TAOK3: variants seen among roughly 807,000 people sequenced by gnomAD.
The protein encoded by TAOK3 is TAO kinase 3.
Under a neutral mutation model 120.4 loss-of-function variants are expected in TAOK3, and 40 were observed. The observed-to-expected ratio is 0.33, with a 90% CI of 0.26 to 0.43. The LOEUF (loss-of-function observed/expected upper bound fraction) is 0.43. Ranked by LOEUF, TAOK3 falls within the 20% of genes least tolerant of loss-of-function variation. The pLI is 1.00. For missense variants in TAOK3, 821 were observed against 1,112.1 expected (o/e 0.74, Z 3.72); for synonymous variants, 355 against 387.5 (o/e 0.92, Z 0.99).
intron 11 of TAOK3, among the ~76,000 whole-genome samples, chr12:118,203,882 T>C (rs1304460345): frequency 6.6e-6 from 1 of 152,156 alleles, no homozygotes; most frequent in Non-Finnish European, 1.5e-5. Flanking sequence ...TAAAACAGGT[T>C]TGTGGGCTAT....
chr12:118,182,623 A>ATTTTTTTTT (rs1555215274), intron 14 of TAOK3, among the ~76,000 whole-genome samples: 2 of 92,416 alleles, frequency 2.2e-5, no homozygotes, highest in African/African-American at 4.9e-5. Flanking sequence ...ATATATATAT[A>ATTTTTTTTT]TTTTTTTTTT....
chr12:118,177,475 A>T, intron 15 of TAOK3, 146 bp from the exon 16 acceptor site: 1 of 543,514 alleles, frequency 1.8e-6, no homozygotes, highest in Non-Finnish European at 2.9e-6. Flanking sequence ...TGTTTTTCTG[A>T]TTTTCTTGTA....
intron 1 of TAOK3, among the ~76,000 whole-genome samples, chr12:118,301,644 G>C (rs1198983913): frequency 1.3e-5 from 2 of 152,028 alleles, no homozygotes; most frequent in Non-Finnish European, 2.9e-5. Context: ...AGGAGTTCAA[G>C]ATCAGCCTGA....
intron 1 of TAOK3, among the ~76,000 whole-genome samples, chr12:118,335,601 G>A (rs376275992): frequency 6.6e-6 from 1 of 152,158 alleles, no homozygotes. Context: ...AGGCCGAGCT[G>A]GGTGGATCAA....
At chr12:118,222,511 G>A (rs545583463) in intron 9 of TAOK3, among the ~76,000 whole-genome samples, 19 of 150,584 alleles carry the variant, frequency 1.3e-4, no homozygotes, top group Non-Finnish European at 1.5e-5. Flanking sequence ...CCAGCCTGGC[G>A]ATGGAGTGAG....
chr12:118,165,732 A>G (rs2035538523), intron 17 of TAOK3, among the ~76,000 whole-genome samples: 1 of 152,250 alleles, frequency 6.6e-6, no homozygotes, highest in African/African-American at 2.4e-5. Context: ...AGTTGTAAAG[A>G]TAAAATGAAA....
intron 17 of TAOK3, among the ~76,000 whole-genome samples, chr12:118,165,212 G>T (rs893489838): frequency 1.3e-5 from 2 of 152,124 alleles, no homozygotes; most frequent in Non-Finnish European, 2.9e-5. Flanking sequence ...TGGCCCGTAG[G>T]TGGCACCAAA....
chr12:118,168,273 G>C (rs2035739117), intron 17 of TAOK3, among the ~76,000 whole-genome samples: 2 of 152,168 alleles, frequency 1.3e-5, no homozygotes, highest in Admixed American at 1.3e-4. Flanking sequence ...GCATGGTGAT[G>C]ATAGTTAACA....
intron 15 of TAOK3, among the ~76,000 whole-genome samples, chr12:118,178,099 A>C (rs2036462413): frequency 6.6e-6 from 1 of 152,008 alleles, no homozygotes; most frequent in Admixed American, 6.5e-5. Flanking sequence ...GGCGTGCAGC[A>C]CCAGTCCTGG....
intron 3 of TAOK3, among the ~76,000 whole-genome samples, chr12:118,248,190 G>A (rs1443199927): frequency 2.7e-5 from 4 of 148,154 alleles, no homozygotes; most frequent in Non-Finnish European, 5.9e-5. Context: ...AGATTCTTAT[G>A]GAATGTCAAA....
In TAOK3 at chr12:118,174,536, G is replaced by A. The variant is rs2036202797; in HGVS notation, c.1696-1876C>T. ...GTGGGAAAATCTTCTAGAAGGTAGA[G>A]TTCATGAAATTTCCAAATATCTCAA... On this transcript the variant is annotated intron_variant, in intron 16 of 20. Transcript: ENST00000392533. Among the ~76,000 whole-genome samples the A allele has an allele frequency of 2.0e-5, 3 of 152,208 alleles. No individual in the cohort carries two copies. In the South Asian group the frequency reaches 6.2e-4, roughly 32 times the overall value.
At chr12:118,166,665 C>T (rs2035603534) in intron 17 of TAOK3, among the ~76,000 whole-genome samples, 1 of 151,864 alleles carries the variant, frequency 6.6e-6, no homozygotes, top group African/African-American at 2.4e-5. Flanking sequence ...TTTATTTGTA[C>T]AAATGACACA....
chr12:118,177,394 T>G, intron 15 of TAOK3, 65 bp from the exon 16 acceptor site: 1 of 1,472,820 alleles, frequency 6.8e-7, no homozygotes, highest in Non-Finnish European at 9.4e-7. Context: ...GTGATCTATA[T>G]TCTCCAGTGC....
intron 1 of TAOK3, among the ~76,000 whole-genome samples, chr12:118,307,811 A>G (rs1217122732): frequency 6.6e-6 from 1 of 152,182 alleles, no homozygotes; most frequent in East Asian, 1.9e-4. Context: ...CTAAAACACT[A>G]AAAATGTTAA....
chr12:118,199,536 T>C, intron 12 of TAOK3: 1 of 456,950 alleles, frequency 2.2e-6, no homozygotes, highest in Non-Finnish European at 4.0e-6. Context: ...CACTATCATA[T>C]TATCGTGTTG....
In TAOK3 at chr12:118,238,097, AG is replaced by A; in HGVS notation, c.412del (p.Leu138TyrfsTer6). ...CCTATGAATCAATGCATGAGAATGT[AG>A]GTAGGCTAGTCCATGCAAGGCTCCA... ...THGALHGLAY[L>X]HSHALIHRDI... On this transcript the variant is annotated frameshift_variant, in exon 7 of 21. Transcript: ENST00000392533. LOFTEE classifies it high-confidence loss of function. The A allele has an allele frequency of 6.2e-7, 1 of 1,609,802 alleles. No homozygotes were observed. Among genetic ancestry groups the A allele is most frequent in the Non-Finnish European group, 8.5e-7 (1 of 1,176,592 alleles).
chr12:118,270,719 G>A (rs945884434), intron 1 of TAOK3, among the ~76,000 whole-genome samples: 1 of 132,716 alleles, frequency 7.5e-6, no homozygotes, highest in African/African-American at 3.0e-5. Context: ...TGTCTCCCAC[G>A]CTGGAGCGCA....
At chr12:118,261,971 G>C (rs560567172) in intron 2 of TAOK3, among the ~76,000 whole-genome samples, 2 of 151,842 alleles carry the variant, frequency 1.3e-5, no homozygotes, top group Non-Finnish European at 2.9e-5. Flanking sequence ...AGCAATTCTC[G>C]TGCCTCAGTC....
intron 9 of TAOK3, among the ~76,000 whole-genome samples, chr12:118,228,485 A>T (rs1242660269): frequency 6.6e-6 from 1 of 152,116 alleles, no homozygotes; most frequent in African/African-American, 2.4e-5. Context: ...ATATAAAAGA[A>T]CTTATAAAAT....
Sources: gnomAD v4.1 joint callset for allele counts (sites outside exome capture counted in the v4.1 genomes callset) on GRCh38, gnomAD v4.1.1 for gene constraint, MANE v1.5 for transcripts, NCBI Gene and HGNC (gene_info 2026-07-23, HGNC 2026-07-21) for gene names.